DOCK5: variants seen among roughly 807,000 people sequenced by gnomAD.
The protein encoded by DOCK5 is dedicator of cytokinesis protein 5.
A neutral mutation model predicts 251.8 loss-of-function variants in DOCK5; 142 were observed. The observed-to-expected ratio is 0.56, with a 90% CI of 0.49 to 0.65. The LOEUF (loss-of-function observed/expected upper bound fraction) is 0.65, where lower values mean the gene tolerates loss of function less well. Ranked by LOEUF, DOCK5 falls within the 30% of genes least tolerant of loss-of-function variation. The probability of loss-of-function intolerance (pLI) is 0.00; values close to 1 mark genes in which losing one functional copy is unlikely to be tolerated. For synonymous variants in DOCK5, 842 were observed against 835.5 expected, an observed-to-expected ratio of 1.01 and a Z score of -0.13; for missense variants, 2,111 against 2,312.3, an observed-to-expected ratio of 0.91 and a Z score of 1.79.
chr8:25,359,331 T>C (rs1388278268), intron 28 of DOCK5, among the ~76,000 whole-genome samples: 1 of 152,178 alleles, frequency 6.6e-6, no homozygotes, highest in African/African-American at 2.4e-5. Flanking sequence ...TAGCAACATT[T>C]GGGAGATGTT....
intron 18 of DOCK5, among the ~76,000 whole-genome samples, chr8:25,329,417 T>TC (rs1396530883): frequency 1.3e-5 from 2 of 152,186 alleles, no homozygotes; most frequent in African/African-American, 4.8e-5. Context: ...AATTTTCAAG[T>TC]ATACAGTATA....
chr8:25,399,928 G>A lies in DOCK5; in HGVS notation c.4722G>A (p.Lys1574=), dbSNP rs1453188583. 6 of 1,613,308 alleles carry A rather than the reference G, an allele frequency of 3.7e-6. No individual in the cohort carries two copies. Among genetic ancestry groups the A allele is most frequent in the South Asian group, 1.1e-5 (1 of 90,892 alleles). The change falls in exon 46 of 52, where the codon AAG becomes AAA. Residue 1574 remains lysine, a synonymous_variant. Transcript: ENST00000276440. Reference sequence around the variant, plus strand: ...TTTTTTAGGCTTTTTTTACAGAAAAGTACTTGCAGGAGCATCCTGAAGACC... The same window carrying A: ...TTTTTTAGGCTTTTTTTACAGAAAAATACTTGCAGGAGCATCCTGAAGACC... ...SNYEKAFFTE[K]YLQEHPEDQE...
intron 1 of DOCK5, among the ~76,000 whole-genome samples, chr8:25,194,654 C>T (rs1801674337): frequency 6.6e-6 from 1 of 152,146 alleles, no homozygotes; most frequent in South Asian, 2.1e-4. Flanking sequence ...CAGCTGTTCA[C>T]TGGGCGTCTC....
At chr8:25,380,264 C>A (rs1340268905) in intron 38 of DOCK5, 41 bp from the exon 39 acceptor site, 2 of 1,560,286 alleles carry the variant, frequency 1.3e-6, no homozygotes, top group South Asian at 2.3e-5. Flanking sequence ...TCAATGACTG[C>A]CTTGTTCTCC....
intron 49 of DOCK5, among the ~76,000 whole-genome samples, 199 bp downstream of exon 49, chr8:25,408,353 C>T (rs1166005194): frequency 6.6e-6 from 1 of 152,164 alleles, no homozygotes; most frequent in Non-Finnish European, 1.5e-5. Flanking sequence ...TATAAATCAA[C>T]ATTGGTGAAG....
At chr8:25,204,246 A>T (rs1801945876) in intron 1 of DOCK5, among the ~76,000 whole-genome samples, 1 of 152,186 alleles carries the variant, frequency 6.6e-6, no homozygotes, top group East Asian at 1.9e-4. Flanking sequence ...TCTGTACTTT[A>T]ACTTTTTAAT....
intron 11 of DOCK5, chr8:25,304,594 G>A (rs112034179): frequency 3.3e-4 from 124 of 378,656 alleles, no homozygotes; most frequent in African/African-American, 2.5e-3. Context: ...GCTCTGGAAT[G>A]CAGAGAGGGT....
At chr8:25,298,587 T>C (rs1051460873) in intron 7 of DOCK5, among the ~76,000 whole-genome samples, 9 of 152,216 alleles carry the variant, frequency 5.9e-5, no homozygotes, top group African/African-American at 2.2e-4. Flanking sequence ...GTTTTGTTTT[T>C]TGTTATTTAT....
intron 44 of DOCK5, among the ~76,000 whole-genome samples, chr8:25,395,024 T>C (rs543005343): frequency 6.6e-6 from 1 of 152,302 alleles, no homozygotes; most frequent in East Asian, 1.9e-4. Flanking sequence ...CTATCATTAT[T>C]ATATTGTAAC....
At chr8:25,231,733 C>G in intron 1 of DOCK5, among the ~76,000 whole-genome samples, 1 of 152,146 alleles carries the variant, frequency 6.6e-6, no homozygotes, top group East Asian at 1.9e-4. Flanking sequence ...TGAAATAGAG[C>G]GATTCAAGCA....
chr8:25,398,046 C>T (rs1801377271), intron 45 of DOCK5, among the ~76,000 whole-genome samples: 1 of 151,988 alleles, frequency 6.6e-6, no homozygotes, highest in African/African-American at 2.4e-5. Flanking sequence ...TATTCTAATC[C>T]AGCTCTTTAT....
intron 2 of DOCK5, among the ~76,000 whole-genome samples, chr8:25,252,660 A>C (rs1455992084): frequency 1.3e-5 from 2 of 152,166 alleles, no homozygotes; most frequent in African/African-American, 4.8e-5. Context: ...TGTTCCTGAG[A>C]TGTGTTTTTC....
intron 26 of DOCK5, among the ~76,000 whole-genome samples, chr8:25,349,307 A>C (rs2117245896): frequency 6.6e-6 from 1 of 152,340 alleles, no homozygotes; most frequent in African/African-American, 2.4e-5. Flanking sequence ...AAAAACTATG[A>C]AAAACAGACT....
chr8:25,365,072 G>T (rs994549699), intron 30 of DOCK5, among the ~76,000 whole-genome samples: 16 of 152,162 alleles, frequency 1.1e-4, no homozygotes, highest in South Asian at 6.2e-4. Context: ...CTCTCCTACC[G>T]ACAAATGAGT....
At chr8:25,257,537 G>A (rs1250350292) in intron 2 of DOCK5, among the ~76,000 whole-genome samples, 1 of 152,132 alleles carries the variant, frequency 6.6e-6, no homozygotes, top group Non-Finnish European at 1.5e-5. Flanking sequence ...TTTTGCTTTT[G>A]AAATAGCCAC....
At chr8:25,297,008 G>A (rs1034705784) in intron 7 of DOCK5, among the ~76,000 whole-genome samples, 2 of 152,056 alleles carry the variant, frequency 1.3e-5, no homozygotes, top group African/African-American at 4.8e-5. Context: ...AAAACGGGGT[G>A]GGAGGGAGAC....
intron 3 of DOCK5, among the ~76,000 whole-genome samples, chr8:25,273,900 G>A (rs1803977699): frequency 6.6e-6 from 1 of 152,066 alleles, no homozygotes; most frequent in Non-Finnish European, 1.5e-5. Context: ...TGTGTTCTTG[G>A]TCTCATCAGT....
chr8:25,310,371 C>T (rs1380622421), intron 12 of DOCK5, 36 bp from the exon 13 acceptor site: 1 of 1,579,976 alleles, frequency 6.3e-7, no homozygotes, highest in African/African-American at 1.4e-5. Flanking sequence ...ATACATCATA[C>T]AAAGAACTAA....
At chr8:25,409,808 T>C (rs566317570) in intron 50 of DOCK5, 9 of 207,458 alleles carry the variant, frequency 4.3e-5, no homozygotes, top group South Asian at 4.1e-4. Flanking sequence ...ATCGCGCCAC[T>C]GCACTCCAGC....
Sources: allele counts gnomAD v4.1 joint callset (sites outside exome capture counted in the v4.1 genomes callset), GRCh38; gene constraint gnomAD v4.1.1; transcripts MANE v1.5; gene names NCBI Gene and HGNC (gene_info 2026-07-23, HGNC 2026-07-21).